Variants in DAB1 observed in about 807,000 individuals in gnomAD.
The protein encoded by DAB1 is disabled homolog 1.
Under a neutral mutation model 64.6 loss-of-function variants are expected in DAB1, and 15 were observed. The ratio of observed to expected loss-of-function variants is 0.23; its 90% confidence interval spans 0.16 to 0.36. DAB1 has a LOEUF of 0.36. DAB1 is among the 10% of genes least tolerant of loss of function. The probability of loss-of-function intolerance (pLI) is 1.00; values close to 1 mark genes in which losing one functional copy is unlikely to be tolerated. For synonymous variants in DAB1, 235 were observed against 251.9 expected (o/e 0.93, Z 0.64); for missense variants, 596 against 706.7 (o/e 0.84, Z 1.78).
At chr1:57,976,926 G>T (rs1645934619) in intron 5 of DAB1, among the ~76,000 whole-genome samples, 1 of 151,978 alleles carries the variant, frequency 6.6e-6, no homozygotes, top group Non-Finnish European at 1.5e-5. Flanking sequence ...CCAGATCCTT[G>T]CCAAGTAATC....
At chr1:57,010,860 T>C (rs1410732109) in intron 13 of DAB1, 70 bp from the exon 14 acceptor site, 2 of 1,167,062 alleles carry the variant, frequency 1.7e-6, no homozygotes, top group Admixed American at 4.9e-5. Context: ...GACACCTGGA[T>C]ATACTTTCAT....
At chr1:58,523,911 A>G (rs771547724) in intron 2 of DAB1, among the ~76,000 whole-genome samples, 1 of 152,146 alleles carries the variant, frequency 6.6e-6, no homozygotes, top group Non-Finnish European at 1.5e-5. Context: ...AAAAAGAAAA[A>G]AAGAACTGGC....
At chr1:57,330,710 A>G (rs966001879) in intron 1 of DAB1, among the ~76,000 whole-genome samples, 2 of 152,116 alleles carry the variant, frequency 1.3e-5, no homozygotes, top group African/African-American at 4.8e-5. Context: ...CCGGTGCCCC[A>G]CGCAGTGCCT....
intron 2 of DAB1, among the ~76,000 whole-genome samples, chr1:57,151,520 A>G (rs1241905342): frequency 6.6e-6 from 1 of 152,148 alleles, no homozygotes; most frequent in Non-Finnish European, 1.5e-5. Context: ...CACCAGCCAG[A>G]GGGACCAAGC....
At chr1:57,895,947 A>G (rs992289306) in intron 5 of DAB1, among the ~76,000 whole-genome samples, 1 of 152,184 alleles carries the variant, frequency 6.6e-6, no homozygotes, top group Admixed American at 6.5e-5. Context: ...AGAGGAAAGC[A>G]TGCATGTGGC....
At chr1:57,742,975 G>T (rs1197754395) in intron 6 of DAB1, among the ~76,000 whole-genome samples, 2 of 152,174 alleles carry the variant, frequency 1.3e-5, no homozygotes, top group Non-Finnish European at 2.9e-5. Context: ...GTATACACAG[G>T]GAGGTGTGTA....
intron 1 of DAB1, among the ~76,000 whole-genome samples, chr1:57,296,152 A>G (rs887310771): frequency 6.6e-6 from 1 of 152,154 alleles, no homozygotes; most frequent in Non-Finnish European, 1.5e-5. Context: ...AAATGCAGAT[A>G]TTGTTGGGAG....
At chr1:58,104,026 G>T (rs1340383804) in intron 5 of DAB1, among the ~76,000 whole-genome samples, 2 of 152,154 alleles carry the variant, frequency 1.3e-5, no homozygotes, top group Non-Finnish European at 2.9e-5. Flanking sequence ...TCTGCTCCAA[G>T]AAGTCTTTTT....
chr1:57,221,413 G>A (rs566353029), intron 2 of DAB1, among the ~76,000 whole-genome samples: 1 of 150,404 alleles, frequency 6.6e-6, no homozygotes, highest in South Asian at 2.1e-4. Flanking sequence ...TTTAAAAAAG[G>A]CTAACACGGT....
At chr1:57,103,079 T>C (rs1654828195) in intron 4 of DAB1, among the ~76,000 whole-genome samples, 1 of 152,152 alleles carries the variant, frequency 6.6e-6, no homozygotes, top group African/African-American at 2.4e-5. Flanking sequence ...CTATTTTTAG[T>C]TGTTCTTCAG....
chr1:58,489,100 A>T (rs1645628559), intron 3 of DAB1, among the ~76,000 whole-genome samples: 1 of 152,188 alleles, frequency 6.6e-6, no homozygotes, highest in Non-Finnish European at 1.5e-5. Context: ...TGGGTGCAGG[A>T]CAGTCGGTGC....
chr1:57,288,570 C>T (rs1672520063), intron 2 of DAB1, among the ~76,000 whole-genome samples: 1 of 152,088 alleles, frequency 6.6e-6, no homozygotes, highest in Non-Finnish European at 1.5e-5. Context: ...GGAAGAGAGC[C>T]CTCACCAGGA....
Position 57,890,990 on chromosome 1 carries a change from C to T in DAB1, n.388-6828G>A, listed in dbSNP as rs534246005. 2.0e-5 allele frequency among the ~76,000 whole-genome samples: 3 copies of T among 152,174 alleles called. No homozygotes were observed. In the East Asian group the frequency reaches 5.8e-4, roughly 29 times the overall value. On this transcript the variant is annotated intron_variant and non_coding_transcript_variant, in intron 5 of 20. Coordinates refer to the DAB1 transcript ENST00000485760. ...ATGACTAAAACACCAAAAGCAATGG[C>T]AACAAAAGCCAAAATTGATAAATGG...
intron 4 of DAB1, among the ~76,000 whole-genome samples, chr1:58,187,998 T>A (rs1342938621): frequency 6.6e-6 from 1 of 151,276 alleles, no homozygotes; most frequent in Non-Finnish European, 1.5e-5. Context: ...AACCTCTGCC[T>A]CCCATATTCA....
intron 7 of DAB1, among the ~76,000 whole-genome samples, chr1:57,528,653 C>G (rs969719619): frequency 3.3e-5 from 5 of 151,304 alleles, no homozygotes; most frequent in Non-Finnish European, 5.9e-5. Flanking sequence ...CACACACACA[C>G]ACACACACAC....
chr1:57,812,878 T>C (rs754573692), intron 6 of DAB1, among the ~76,000 whole-genome samples: 3 of 152,276 alleles, frequency 2.0e-5, no homozygotes, highest in South Asian at 2.1e-4. Context: ...AGAGAGAACA[T>C]GAACTTCCCC....
chr1:57,424,467 G>A (rs1190676543), upstream of DAB1, among the ~76,000 whole-genome samples: 1 of 152,134 alleles, frequency 6.6e-6, no homozygotes, highest in Non-Finnish European at 1.5e-5. Context: ...CGCCCCAGCC[G>A]CGCCAGCGTG....
intron 7 of DAB1, among the ~76,000 whole-genome samples, chr1:57,510,895 C>T (rs1044738645): frequency 6.6e-6 from 1 of 152,198 alleles, no homozygotes; most frequent in Non-Finnish European, 1.5e-5. Flanking sequence ...GCTCCTGCCT[C>T]AGCCTCCCAA....
chr1:57,295,013 A>AT (rs1309158334), intron 1 of DAB1, among the ~76,000 whole-genome samples: 1 of 152,176 alleles, frequency 6.6e-6, no homozygotes. Context: ...TATATGAAAT[A>AT]TCCTAAATAG....
Sources: allele counts gnomAD v4.1 joint callset (sites outside exome capture counted in the v4.1 genomes callset), GRCh38; gene constraint gnomAD v4.1.1; transcripts MANE v1.5; gene names NCBI Gene and HGNC (gene_info 2026-07-23, HGNC 2026-07-21).